PDE10A: variants seen among roughly 807,000 people sequenced by gnomAD.
The protein encoded by PDE10A is cAMP and cAMP-inhibited cGMP 3',5'-cyclic phosphodiesterase 10A.
Under a neutral mutation model 97.7 loss-of-function variants are expected in PDE10A, and 39 were observed. The observed-to-expected ratio is 0.40, with a 90% CI of 0.31 to 0.52. The LOEUF is 0.52. PDE10A is among the 20% of genes least tolerant of loss of function. The pLI, the probability that PDE10A is intolerant of heterozygous loss-of-function variation, is 0.56. For synonymous variants in PDE10A, 371 were observed against 376.8 expected (o/e 0.98, Z 0.18); for missense variants, 731 against 1,047.8 (o/e 0.70, Z 4.17).
chr6:165,660,668 T>G (rs971915136), intron 1 of PDE10A: 3 of 152,624 alleles, frequency 2.0e-5, no homozygotes, highest in African/African-American at 7.2e-5. Context: ...GAGACCCGGG[T>G]CGGCCAAAGC....
intron 3 of PDE10A, among the ~76,000 whole-genome samples, chr6:165,463,953 G>A (rs954370154): frequency 1.3e-5 from 2 of 152,188 alleles, no homozygotes; most frequent in South Asian, 4.1e-4. Context: ...CCATCCCTTC[G>A]TTTCCCATAA....
At chr6:165,869,555 C>T (rs1781143808) in intron 1 of PDE10A, among the ~76,000 whole-genome samples, 1 of 152,054 alleles carries the variant, frequency 6.6e-6, no homozygotes, top group African/African-American at 2.4e-5. Context: ...CGTCCCCTAT[C>T]AAAATACCAA....
chr6:165,489,108 G>C (rs1401394597), intron 2 of PDE10A, among the ~76,000 whole-genome samples: 1 of 152,120 alleles, frequency 6.6e-6, no homozygotes, highest in Non-Finnish European at 1.5e-5. Context: ...ATGCACTCTT[G>C]ACAGTGCCAC....
chr6:165,567,994 ATTTT>A (rs386409260), intron 1 of PDE10A, among the ~76,000 whole-genome samples: 2 of 130,648 alleles, frequency 1.5e-5, no homozygotes, highest in African/African-American at 3.1e-5. Context: ...GCAACAAGGC[ATTTT>A]TTTTTTTTTT....
At position 165,901,365 on chromosome 6, in the gene PDE10A, G is replaced by A. The variant is rs149750483; in HGVS notation, c.-615+86164C>T. ...GTTATTCACCTAAAGTATTAAAAAT[G>A]ACCATTCTCTCCTCTGTTTTAAAAC... On this transcript the variant is annotated intron_variant, in intron 1 of 19. Transcript: ENST00000366882. 7.1e-3 allele frequency among the ~76,000 whole-genome samples: 1,085 copies of A among 152,290 alleles called. 14 individuals carry two copies. The highest frequency in any genetic ancestry group is 0.025 in the African/African-American group (1,021 of 41,552).
At chr6:165,621,566 G>T (rs1332510354) in intron 1 of PDE10A, among the ~76,000 whole-genome samples, 1 of 152,038 alleles carries the variant, frequency 6.6e-6, no homozygotes, top group Non-Finnish European at 1.5e-5. Context: ...GATGAGCCTG[G>T]CCAATATGGT....
chr6:165,588,220 T>A (rs984008473), intron 1 of PDE10A, among the ~76,000 whole-genome samples: 2 of 151,966 alleles, frequency 1.3e-5, no homozygotes, highest in Admixed American at 6.6e-5. Flanking sequence ...TAGAAAAAAA[T>A]TATCTTGGGG....
chr6:165,845,703 A>C (rs543891140), intron 1 of PDE10A, among the ~76,000 whole-genome samples: 2 of 152,366 alleles, frequency 1.3e-5, no homozygotes, highest in South Asian at 4.1e-4. Context: ...AAAATATTAA[A>C]GCTATCTGGA....
At chr6:165,796,509 T>A (rs972149552) in intron 1 of PDE10A, among the ~76,000 whole-genome samples, 5 of 152,222 alleles carry the variant, frequency 3.3e-5, no homozygotes, top group African/African-American at 1.2e-4. Flanking sequence ...ACAGCTGTCC[T>A]GCCCAGGATA....
intron 18 of PDE10A, among the ~76,000 whole-genome samples, chr6:165,352,355 A>C (rs1782744585): frequency 6.6e-6 from 1 of 152,192 alleles, no homozygotes; most frequent in African/African-American, 2.4e-5. Context: ...CAAATGAAAT[A>C]AACACTCCTT....
intron 1 of PDE10A, among the ~76,000 whole-genome samples, chr6:165,826,576 C>G (rs914860868): frequency 6.6e-6 from 1 of 152,098 alleles, no homozygotes; most frequent in Admixed American, 6.5e-5. Flanking sequence ...TCCCGCCACG[C>G]CCCCAGGTAT....
chr6:165,474,381 G>A (rs1203368552), intron 3 of PDE10A, among the ~76,000 whole-genome samples: 3 of 152,152 alleles, frequency 2.0e-5, no homozygotes, highest in South Asian at 2.1e-4. Flanking sequence ...GAATAGCAGG[G>A]AGACACTCCT....
rs147008388 is a variant in PDE10A, at chr6:165,944,305, C to T, written c.-615+43224G>A. The stretch of plus-strand genomic sequence containing the variant: ...TGGGGACACAGCCAAACCATATCAC[C>T]GTCTCTTTAATTTCTCCTCTTGAAT... On this transcript the variant is annotated intron_variant, in intron 1 of 19. Coordinates refer to the PDE10A transcript ENST00000366882. 4.6e-5 allele frequency among the ~76,000 whole-genome samples: 7 copies of T among 152,228 alleles called. No individual in the cohort carries two copies. In the East Asian group the frequency reaches 1.2e-3, roughly 25 times the overall value.
At chr6:165,966,713 C>T in intron 1 of PDE10A, among the ~76,000 whole-genome samples, 1 of 152,120 alleles carries the variant, frequency 6.6e-6, no homozygotes, top group Non-Finnish European at 1.5e-5. Flanking sequence ...AAGCATTGTC[C>T]CTGGCCTCAC....
chr6:165,804,437 C>T (rs1442969295), intron 1 of PDE10A, among the ~76,000 whole-genome samples: 3 of 152,126 alleles, frequency 2.0e-5, no homozygotes, highest in Admixed American at 1.3e-4. Context: ...TGGCCCTATG[C>T]TGGCTGAGAA....
At chr6:165,718,631 C>A (rs1792086144) in intron 1 of PDE10A, among the ~76,000 whole-genome samples, 2 of 151,910 alleles carry the variant, frequency 1.3e-5, no homozygotes, top group Non-Finnish European at 2.9e-5. Context: ...TGTGTATATA[C>A]CCGAACCCCC....
chr6:165,431,092 T>C (rs1315161631), intron 8 of PDE10A, among the ~76,000 whole-genome samples: 1 of 152,068 alleles, frequency 6.6e-6, no homozygotes, highest in Non-Finnish European at 1.5e-5. Context: ...AAAATATCAA[T>C]GCAACTCCAG....
chr6:165,354,014 T>A (rs1265835826), intron 18 of PDE10A, among the ~76,000 whole-genome samples: 2 of 152,200 alleles, frequency 1.3e-5, no homozygotes, highest in Admixed American at 6.5e-5. Flanking sequence ...CCAATCTTTC[T>A]GTGAATCTAA....
rs761552192 is a variant in PDE10A at position 165,602,874 on chromosome 6, A to C, written c.865+59073T>G. Among the ~76,000 whole-genome samples, 10 of 152,058 alleles carry C rather than the reference A, an allele frequency of 6.6e-5. 1 individual carries two copies. Among genetic ancestry groups the C allele is most frequent in the Admixed American group, 2.6e-4 (4 of 15,268 alleles). ...ACTGAAGAGCCTCATCTACCACCAC[A>C]ACATTTCATCCCATTCTGTCCTGTT... On this transcript the variant is annotated intron_variant, in intron 1 of 21. Transcript: ENST00000539869.
Sources: allele counts gnomAD v4.1 joint callset (sites outside exome capture counted in the v4.1 genomes callset), GRCh38; gene constraint gnomAD v4.1.1; transcripts MANE v1.5; gene names NCBI Gene and HGNC (gene_info 2026-07-23, HGNC 2026-07-21).